DLG2: variants seen among roughly 807,000 people sequenced by gnomAD.
DLG2 encodes disks large homolog 2.
DLG2 carries 45 observed loss-of-function variants against 132.5 expected under a neutral mutation model. The observed-to-expected ratio is 0.34, with a 90% CI of 0.27 to 0.44. The LOEUF (loss-of-function observed/expected upper bound fraction) is 0.44, where lower values mean the gene tolerates loss of function less well. Among genes scored for constraint, DLG2 ranks in the 20% least tolerant of loss-of-function variants. The pLI, the probability that DLG2 is intolerant of heterozygous loss-of-function variation, is 1.00. For synonymous variants in DLG2, 424 were observed against 419.6 expected, an observed-to-expected ratio of 1.01 and a Z score of -0.13; for missense variants, 1,045 against 1,196.9, an observed-to-expected ratio of 0.87 and a Z score of 1.87.
intron 19 of DLG2, among the ~76,000 whole-genome samples, chr11:83,626,968 C>T (rs895699502): frequency 6.6e-6 from 1 of 150,638 alleles, no homozygotes; most frequent in Non-Finnish European, 1.5e-5. Flanking sequence ...ATCCTTCTTC[C>T]TTTGCTGAAG....
Position 83,515,019 on chromosome 11 carries a change from T to C in DLG2, c.2193+17689A>G, listed in dbSNP as rs11534581. Among the ~76,000 whole-genome samples, 104 of 152,288 alleles carry C rather than the reference T, an allele frequency of 6.8e-4. No homozygotes were observed. In the East Asian group the frequency reaches 0.018, roughly 26 times the overall value. On this transcript the variant is annotated intron_variant, in intron 21 of 27. Transcript: ENST00000376104. ...TTGTTGTGTCTCTGCCCAGCTTTGG[T>C]ATCAGGATGATGCTGGCCTCATAAA... is the stretch of plus-strand genomic sequence containing the variant.
intron 6 of DLG2, among the ~76,000 whole-genome samples, chr11:85,007,992 A>G (rs2058843172): frequency 6.6e-6 from 1 of 152,186 alleles, no homozygotes; most frequent in Non-Finnish European, 1.5e-5. Context: ...AGTATTACAG[A>G]ACAGTCCCCA....
At chr11:84,078,609 T>C (rs918954574) in intron 10 of DLG2, among the ~76,000 whole-genome samples, 7 of 152,200 alleles carry the variant, frequency 4.6e-5, no homozygotes, top group African/African-American at 1.7e-4. Flanking sequence ...TGCAGGCTTC[T>C]TCTTGGGCAG....
rs574921630 is a variant in DLG2, at chr11:83,653,961, C to T, written c.1826-20636G>A. Among the ~76,000 whole-genome samples the T allele has an allele frequency of 2.1e-4, 32 of 152,306 alleles. 1 individual carries two copies. The South Asian group carries it at 6.4e-3, about 31-fold the overall frequency. On this transcript the variant is annotated intron_variant, in intron 18 of 27. Transcript: ENST00000376104. ...TCTCAAAATCCTGACCTCAAGTGAT[C>T]TGCCTGCCTCTACCTCCCAAAGTGC...
chr11:84,002,524 G>A (rs915735705), intron 11 of DLG2, among the ~76,000 whole-genome samples: 1 of 152,136 alleles, frequency 6.6e-6, no homozygotes, highest in Non-Finnish European at 1.5e-5. Context: ...CTTGACATCT[G>A]TGTACCCACA....
intron 6 of DLG2, among the ~76,000 whole-genome samples, chr11:84,636,378 T>A (rs980456859): frequency 6.6e-6 from 1 of 152,180 alleles, no homozygotes; most frequent in Non-Finnish European, 1.5e-5. Flanking sequence ...GAGACTAGGA[T>A]TCAAATTTTG....
intron 19 of DLG2, among the ~76,000 whole-genome samples, chr11:83,569,606 T>C (rs965802744): frequency 2.0e-5 from 3 of 152,180 alleles, no homozygotes; most frequent in Admixed American, 6.5e-5. Flanking sequence ...TATGTAATGA[T>C]TGTTCCAGGA....
chr11:85,549,850 A>T (rs1342782398), intron 3 of DLG2, among the ~76,000 whole-genome samples: 1 of 152,206 alleles, frequency 6.6e-6, no homozygotes, highest in Non-Finnish European at 1.5e-5. Flanking sequence ...CAGTTTACAA[A>T]TGCCATGGCA....
At chr11:83,601,235 T>G (rs560189733) in intron 19 of DLG2, among the ~76,000 whole-genome samples, 16 of 152,326 alleles carry the variant, frequency 1.1e-4, no homozygotes, top group African/African-American at 3.8e-4. Context: ...CTGAGATTAC[T>G]TTGCCAAGGG....
Position 83,844,977 on chromosome 11 carries a change from G to A in DLG2, c.1566-11207C>T, listed in dbSNP as rs1241130380. ...TAGTTATAGCACATTCTGGTATCTTGAGTAGTTACATTTTGCATCATATAT... is the reference window on the plus strand; with the variant it reads ...TAGTTATAGCACATTCTGGTATCTTAAGTAGTTACATTTTGCATCATATAT... On this transcript the variant is annotated intron_variant, in intron 16 of 27. Transcript: ENST00000376104. 2.6e-5 allele frequency among the ~76,000 whole-genome samples: 4 copies of A among 152,168 alleles called. No homozygotes were observed. In the East Asian group the frequency reaches 7.7e-4, roughly 29 times the overall value.
chr11:84,275,135 T>C (rs935018636), intron 7 of DLG2, among the ~76,000 whole-genome samples: 2 of 152,372 alleles, frequency 1.3e-5, no homozygotes, highest in East Asian at 3.9e-4. Flanking sequence ...TTGCTGGGTC[T>C]TGTGAGGCTT....
At chr11:84,794,894 C>G (rs754096180) in intron 6 of DLG2, among the ~76,000 whole-genome samples, 18 of 152,182 alleles carry the variant, frequency 1.2e-4, no homozygotes, top group Admixed American at 7.8e-4. Context: ...CTGCAGGCAC[C>G]GCTTGGCATG....
chr11:84,378,730 T>C (rs933917259), intron 7 of DLG2, among the ~76,000 whole-genome samples: 1 of 150,890 alleles, frequency 6.6e-6, no homozygotes, highest in Admixed American at 6.6e-5. Context: ...AGAGATCAAG[T>C]CCATCCTGCC....
At chr11:84,403,003 T>A (rs2098836050) in intron 7 of DLG2, among the ~76,000 whole-genome samples, 1 of 151,854 alleles carries the variant, frequency 6.6e-6, no homozygotes, top group African/African-American at 2.4e-5. Context: ...ATTCTCTCTC[T>A]CTCTCTCTCT....
chr11:85,121,455 C>T (rs1220828766), intron 5 of DLG2, among the ~76,000 whole-genome samples: 1 of 151,534 alleles, frequency 6.6e-6, no homozygotes, highest in Non-Finnish European at 1.5e-5. Flanking sequence ...TATATTAAAT[C>T]ACTAAGAAAT....
chr11:84,797,800 C>T (rs747303326), intron 6 of DLG2, among the ~76,000 whole-genome samples: 2 of 152,076 alleles, frequency 1.3e-5, no homozygotes, highest in African/African-American at 2.4e-5. Flanking sequence ...TTGAAGAGCT[C>T]GGGATTTCTT....
intron 9 of DLG2, among the ~76,000 whole-genome samples, chr11:84,153,337 A>G (rs1008309090): frequency 7.9e-5 from 12 of 152,104 alleles, no homozygotes; most frequent in African/African-American, 9.7e-5. Flanking sequence ...CATCTTGTAT[A>G]GTATCTTGCA....
intron 3 of DLG2, among the ~76,000 whole-genome samples, chr11:85,510,507 C>A (rs1340195953): frequency 2.0e-5 from 3 of 151,988 alleles, no homozygotes; most frequent in African/African-American, 4.8e-5. Context: ...CTACAATGAA[C>A]TCAAACAAAT....
At chr11:84,953,417 G>A (rs1043083879) in intron 6 of DLG2, among the ~76,000 whole-genome samples, 2 of 152,018 alleles carry the variant, frequency 1.3e-5, no homozygotes, top group African/African-American at 4.8e-5. Flanking sequence ...CCTTTACCTG[G>A]CCAGCTACTT....
Sources: gnomAD v4.1 joint callset for allele counts (sites outside exome capture counted in the v4.1 genomes callset) on GRCh38, gnomAD v4.1.1 for gene constraint, MANE v1.5 for transcripts, NCBI Gene and HGNC (gene_info 2026-07-23, HGNC 2026-07-21) for gene names.